The following CGGBP1 variants were observed in gnomAD, a reference collection of about 807,000 sequenced individuals.
The protein encoded by CGGBP1 is CGG triplet repeat binding protein 1, also known as CGG triplet repeat-binding protein 1.
In CGGBP1, 4 loss-of-function variants were observed where a neutral mutation model predicts 11.4. The observed-to-expected ratio is 0.35, with a 90% CI of 0.17 to 0.80. The LOEUF is 0.80. CGGBP1 is among the 30% of genes least tolerant of loss of function. CGGBP1 has a pLI of 0.52. For missense variants in CGGBP1, 135 were observed against 202.1 expected (o/e 0.67, Z 2.01); for synonymous variants, 76 against 74.1 (o/e 1.03, Z -0.13).
At chr3:88,116,303 C>T (rs1418983572) in intron 2 of CGGBP1, among the ~76,000 whole-genome samples, 1 of 151,990 alleles carries the variant, frequency 6.6e-6, no homozygotes, top group Admixed American at 6.6e-5. Context: ...GGCAGATCAC[C>T]TGAGGGTGGG....
At chr3:88,129,877 G>A in intron 2 of CGGBP1, 1 of 1,321,058 alleles carries the variant, frequency 7.6e-7, no homozygotes, top group Middle Eastern at 2.0e-4. Flanking sequence ...GCAACAGAAA[G>A]GAAATTGCAG....
At chr3:88,125,174 C>T (rs1343390228) in intron 2 of CGGBP1, among the ~76,000 whole-genome samples, 1 of 150,222 alleles carries the variant, frequency 6.7e-6, no homozygotes, top group African/African-American at 2.5e-5. Context: ...AAGATCGTGC[C>T]ACTGCACTCC....
intron 2 of CGGBP1, chr3:88,129,087 CTGT>C (rs1706284522): frequency 8.4e-6 from 9 of 1,068,802 alleles, no homozygotes; most frequent in South Asian, 3.4e-5. Context: ...AAGTAGCCCA[CTGT>C]TGTTGTTAAA....
intron 2 of CGGBP1, among the ~76,000 whole-genome samples, chr3:88,100,637 G>T (rs1435786878): frequency 2.0e-5 from 3 of 152,236 alleles, no homozygotes; most frequent in East Asian, 3.9e-4. Context: ...GCCATAAAAA[G>T]GATGAGTTCA....
chr3:88,098,418 A>G (rs1199598668), intron 2 of CGGBP1, among the ~76,000 whole-genome samples: 6 of 152,236 alleles, frequency 3.9e-5, no homozygotes, highest in Admixed American at 3.3e-4. Context: ...AGGAGCTGGT[A>G]TCATTCGTTC....
chr3:88,111,640 A>T (rs1045042979), intron 2 of CGGBP1, among the ~76,000 whole-genome samples: 3 of 151,980 alleles, frequency 2.0e-5, no homozygotes, highest in Middle Eastern at 6.3e-3. Context: ...TCTATAAACC[A>T]TTTGTAATGT....
chr3:88,089,117 G>A lies in CGGBP1; in HGVS notation c.-228-30894C>T, dbSNP rs559591470. Among the ~76,000 whole-genome samples the A allele has an allele frequency of 6.6e-5, 10 of 151,134 alleles. No homozygotes were observed. In the East Asian group the frequency reaches 1.2e-3, roughly 18 times the overall value. ...AAAATTATATTTATTTTGTGATGCC[G>A]GAAGGAATATGTGAATTTATTTGTA... is the stretch of plus-strand genomic sequence containing the variant. On this transcript the variant is annotated intron_variant, in intron 2 of 3. Transcript: ENST00000462901.
intron 2 of CGGBP1, chr3:88,128,697 T>G: frequency 1.4e-6 from 1 of 694,584 alleles, no homozygotes; most frequent in Non-Finnish European, 2.3e-6. Context: ...AAAATGCTAT[T>G]TAAGTAGTTA....
chr3:88,078,432 C>G (rs185742509), intron 2 of CGGBP1, among the ~76,000 whole-genome samples: 387 of 151,994 alleles, frequency 2.5e-3, no homozygotes, highest in African/African-American at 9.1e-3. Context: ...AAATCTCATC[C>G]CAGGATACTG....
At chr3:88,066,936 T>C (rs985741128) in intron 2 of CGGBP1, among the ~76,000 whole-genome samples, 1 of 152,218 alleles carries the variant, frequency 6.6e-6, no homozygotes, top group Non-Finnish European at 1.5e-5. Flanking sequence ...GTTAAAGATA[T>C]TAGGAGATGG....
rs752387931 is a variant in CGGBP1, at chr3:88,138,439, AT to A, written c.-229+2530del. On this transcript the variant is annotated intron_variant, in intron 2 of 3. Coordinates refer to the CGGBP1 transcript ENST00000462901. Reference sequence around the variant, plus strand: ...ATGAATCACCATAAGTCCATTTTGTATTATGGATAGTGGGCTTGTCAAATGT... The same window carrying A: ...ATGAATCACCATAAGTCCATTTTGTATATGGATAGTGGGCTTGTCAAATGT... Among the ~76,000 whole-genome samples, 61 of 66,582 alleles carry A rather than the reference AT, an allele frequency of 9.2e-4. No individual in the cohort carries two copies. In the East Asian group the frequency reaches 0.011, roughly 12 times the overall value. 43.7% of individuals were successfully genotyped at this position (66,582 alleles called of 152,430 possible). A position where few individuals can be genotyped will look rare whatever the true frequency, so the allele number is the denominator to read the frequency against.
intron 2 of CGGBP1, chr3:88,140,332 T>C: frequency 6.2e-7 from 1 of 1,613,668 alleles, no homozygotes. Flanking sequence ...CTTTGGGATG[T>C]TCAGACAGAC....
chr3:88,124,789 A>T (rs1397411191), intron 2 of CGGBP1, among the ~76,000 whole-genome samples: 1 of 149,662 alleles, frequency 6.7e-6, no homozygotes, highest in Non-Finnish European at 1.5e-5. Flanking sequence ...TTTTTTCAAC[A>T]TTGCCAGTTT....
chr3:88,136,923 G>A (rs7651641), intron 2 of CGGBP1, among the ~76,000 whole-genome samples: 107,463 of 152,032 alleles, frequency 0.71, 41,702 homozygotes, highest in South Asian at 0.91. Flanking sequence ...GGCTGGGCGC[G>A]ATGGCTTACA....
chr3:88,093,224 A>C (rs1456555805), intron 2 of CGGBP1, among the ~76,000 whole-genome samples: 1 of 152,178 alleles, frequency 6.6e-6, no homozygotes, highest in African/African-American at 2.4e-5. Context: ...AGATTGGTTA[A>C]ATACTGATTC....
intron 2 of CGGBP1, among the ~76,000 whole-genome samples, chr3:88,131,034 A>G (rs1304798541): frequency 2.0e-5 from 3 of 152,154 alleles, no homozygotes; most frequent in Non-Finnish European, 2.9e-5. Context: ...TAATATGTCA[A>G]TAGGCAGTTT....
chr3:88,132,129 A>ATTGTG (rs1706502158), intron 2 of CGGBP1, among the ~76,000 whole-genome samples: 1 of 152,232 alleles, frequency 6.6e-6, no homozygotes, highest in Non-Finnish European at 1.5e-5. Flanking sequence ...GCCATTCAAT[A>ATTGTG]TTGTGTTCAA....
At chr3:88,075,102 T>A (rs1376601702) in intron 2 of CGGBP1, among the ~76,000 whole-genome samples, 21 of 152,228 alleles carry the variant, frequency 1.4e-4, no homozygotes, top group Non-Finnish European at 8.8e-5. Flanking sequence ...TCTTAATTGA[T>A]GTTTCCTACT....
chr3:88,063,685 T>C (rs1206882066), upstream of CGGBP1, among the ~76,000 whole-genome samples: 6 of 152,212 alleles, frequency 3.9e-5, no homozygotes, highest in Admixed American at 6.5e-5. Flanking sequence ...GTATCAGGAA[T>C]TGCATTTTGG....
Sources: gnomAD v4.1 joint callset for allele counts (sites outside exome capture counted in the v4.1 genomes callset) on GRCh38, gnomAD v4.1.1 for gene constraint, MANE v1.5 for transcripts, NCBI Gene and HGNC (gene_info 2026-07-23, HGNC 2026-07-21) for gene names.